Variants in VPS37A observed in about 807,000 individuals in gnomAD.
The protein encoded by VPS37A is vacuolar protein sorting-associated protein 37A.
A neutral mutation model predicts 49.8 loss-of-function variants in VPS37A; 30 were observed. The ratio of observed to expected loss-of-function variants is 0.60; its 90% CI spans 0.45 to 0.82. The LOEUF (loss-of-function observed/expected upper bound fraction) is 0.82, where lower values mean the gene tolerates loss of function less well. Ranked by LOEUF, VPS37A falls within the 40% of genes least tolerant of loss-of-function variation. The probability of loss-of-function intolerance (pLI) is 0.00; values close to 1 mark genes in which losing one functional copy is unlikely to be tolerated. For missense variants in VPS37A, 593 were observed against 464.4 expected (o/e 1.28, Z -2.55); for synonymous variants, 195 against 160.6 (o/e 1.21, Z -1.62).
At chr8:17,304,354 A>G, downstream of VPS37A, 1 of 1,604,506 alleles carries the variant, frequency 6.2e-7, no homozygotes, top group Non-Finnish European at 8.5e-7. Context: ...TACCATGGCT[A>G]CAAAGTTACC....
At chr8:17,255,093 A>G (rs1812318415) in intron 1 of VPS37A, among the ~76,000 whole-genome samples, 1 of 152,200 alleles carries the variant, frequency 6.6e-6, no homozygotes, top group African/African-American at 2.4e-5. Context: ...CTGTATTTCC[A>G]TTTCCTTGCA....
rs1157325850 is a variant in VPS37A, at chr8:17,295,945, G to C, written c.*959G>C. 6.6e-6 allele frequency: 1 copy of C among 152,116 alleles called. No individual in the cohort carries two copies. Among genetic ancestry groups the C allele is most frequent in the Non-Finnish European group, 1.5e-5 (1 of 68,008 alleles). 9.4% of individuals were successfully genotyped at this position (152,116 alleles called of 1,614,324 possible). On this transcript the variant is annotated 3_prime_UTR_variant, in exon 12 of 12. Coordinates refer to ENST00000324849, the MANE Select transcript of VPS37A (RefSeq NM_152415.3). ...TCTTGTATACTACATTGAGCAGTTTGCTTCTATACCGTGTCACAAAATTCA... is the reference window on the plus strand; with the variant it reads ...TCTTGTATACTACATTGAGCAGTTTCCTTCTATACCGTGTCACAAAATTCA...
intron 1 of VPS37A, among the ~76,000 whole-genome samples, chr8:17,252,419 C>G (rs1812062771): frequency 6.6e-6 from 1 of 152,182 alleles, no homozygotes; most frequent in Non-Finnish European, 1.5e-5. Context: ...CCCAAGCACT[C>G]TGCCTGGCTT....
chr8:17,304,811 T>C (rs971702913), downstream of VPS37A, among the ~76,000 whole-genome samples: 5 of 149,396 alleles, frequency 3.3e-5, no homozygotes, highest in South Asian at 4.2e-4. Context: ...CAAATAGTCA[T>C]TGGACATTTA....
chr8:17,312,184 C>G, the VPS37A span, among the ~76,000 whole-genome samples: 1 of 152,272 alleles, frequency 6.6e-6, no homozygotes, highest in African/African-American at 2.4e-5. Flanking sequence ...TCATTTTTTA[C>G]TAAATATCTT....
chr8:17,306,847 G>A (rs531216386), downstream of VPS37A, among the ~76,000 whole-genome samples: 1 of 152,130 alleles, frequency 6.6e-6, no homozygotes, highest in Non-Finnish European at 1.5e-5. Context: ...GTAGAAAGCT[G>A]AAACTGGATC....
At chr8:17,255,113 A>G (rs543561702) in intron 1 of VPS37A, among the ~76,000 whole-genome samples, 19 of 152,312 alleles carry the variant, frequency 1.2e-4, no homozygotes, top group Admixed American at 2.6e-4. Context: ...AGGATGCTGG[A>G]TATATGGTTG....
At chr8:17,262,550 T>C (rs1178784570) in intron 1 of VPS37A, among the ~76,000 whole-genome samples, 1 of 151,288 alleles carries the variant, frequency 6.6e-6, no homozygotes, top group Non-Finnish European at 1.5e-5. Flanking sequence ...TCTTGTGGTG[T>C]GATTAAAATA....
intron 10 of VPS37A, among the ~76,000 whole-genome samples, chr8:17,285,025 T>A (rs1815452051): frequency 6.6e-6 from 1 of 152,072 alleles, no homozygotes; most frequent in Admixed American, 6.6e-5. Flanking sequence ...CAGAAATTGC[T>A]AATAAACTTT....
At chr8:17,280,997 T>C (rs1242955674) in intron 9 of VPS37A, among the ~76,000 whole-genome samples, 2 of 151,952 alleles carry the variant, frequency 1.3e-5, no homozygotes, top group East Asian at 3.9e-4. Flanking sequence ...ATAGTTAATA[T>C]TCTGTTTCCT....
At chr8:17,259,211 T>C (rs1309825778) in intron 1 of VPS37A, among the ~76,000 whole-genome samples, 1 of 152,128 alleles carries the variant, frequency 6.6e-6, no homozygotes, top group Non-Finnish European at 1.5e-5. Context: ...CAGTCATTTA[T>C]TGCTATAAAC....
At chr8:17,284,711 A>C in intron 10 of VPS37A, 95 bp downstream of exon 10, 2 of 1,369,868 alleles carry the variant, frequency 1.5e-6, no homozygotes. Context: ...TTTCTCTATT[A>C]TGATATCATC....
At chr8:17,328,080 G>C in the VPS37A span, among the ~76,000 whole-genome samples, 14 of 152,136 alleles carry the variant, frequency 9.2e-5, no homozygotes, top group African/African-American at 2.9e-4. Context: ...TAACAGTCAC[G>C]TGGAAGGTAG....
At chr8:17,259,267 G>A (rs1472292820) in intron 1 of VPS37A, among the ~76,000 whole-genome samples, 1 of 151,884 alleles carries the variant, frequency 6.6e-6, no homozygotes, top group Non-Finnish European at 1.5e-5. Context: ...ATTTTGGTGT[G>A]TTCTATTTCC....
the VPS37A span, among the ~76,000 whole-genome samples, chr8:17,329,199 A>G: frequency 6.6e-6 from 1 of 152,190 alleles, no homozygotes; most frequent in Non-Finnish European, 1.5e-5. Context: ...TTTGATGCCA[A>G]GGATAGCTGT....
the VPS37A span, chr8:17,313,149 C>T: frequency 2.0e-6 from 1 of 507,502 alleles, no homozygotes. Flanking sequence ...CTTCAGCGCA[C>T]AGACTACGGA....
chr8:17,282,999 A>G (rs1223662764), intron 9 of VPS37A, among the ~76,000 whole-genome samples: 2 of 152,198 alleles, frequency 1.3e-5, no homozygotes, highest in African/African-American at 4.8e-5. Flanking sequence ...TTTGGAAAAT[A>G]TGTTCAACTT....
At chr8:17,274,629 C>T (rs868424780) in intron 4 of VPS37A, 104 bp from the exon 5 acceptor site, 1 of 751,916 alleles carries the variant, frequency 1.3e-6, no homozygotes, top group South Asian at 2.5e-5. Context: ...TATAACATTT[C>T]ATCTATATAG....
chr8:17,308,751 A>T, the VPS37A span, among the ~76,000 whole-genome samples: 2 of 152,166 alleles, frequency 1.3e-5, no homozygotes, highest in Non-Finnish European at 2.9e-5. Flanking sequence ...ACCAAAGGTC[A>T]GACAGCCCAG....
Sources: allele counts gnomAD v4.1 joint callset (sites outside exome capture counted in the v4.1 genomes callset), GRCh38; gene constraint gnomAD v4.1.1; transcripts MANE v1.5; gene names NCBI Gene and HGNC (gene_info 2026-07-23, HGNC 2026-07-21).